FBXL14: variants seen among roughly 807,000 people sequenced by gnomAD.
The protein encoded by FBXL14 is F-box/LRR-repeat protein 14.
Under a neutral mutation model 24.5 loss-of-function variants are expected in FBXL14, and 11 were observed. That is an observed-to-expected ratio of 0.45 (90% CI 0.28 to 0.74). The LOEUF (loss-of-function observed/expected upper bound fraction) is 0.74. FBXL14 is among the 30% of genes least tolerant of loss of function. The probability of loss-of-function intolerance (pLI) is 0.12; values close to 1 mark genes in which losing one functional copy is unlikely to be tolerated. For synonymous variants in FBXL14, 294 were observed against 240.4 expected (o/e 1.22, Z -2.06); for missense variants, 384 against 545.6 (o/e 0.70, Z 2.95).
At chr12:1,582,946 AT>A (rs1475998556) in intron 1 of FBXL14, among the ~76,000 whole-genome samples, 2 of 152,054 alleles carry the variant, frequency 1.3e-5, no homozygotes, top group Non-Finnish European at 2.9e-5. Context: ...CTCAGAAGTT[AT>A]TTTTGTAAGT....
At chr12:1,570,280 A>G (rs1038363083) in intron 1 of FBXL14, among the ~76,000 whole-genome samples, 2 of 152,224 alleles carry the variant, frequency 1.3e-5, no homozygotes, top group Admixed American at 1.3e-4. Context: ...CCGGTGATGG[A>G]CGTGGCCACT....
Position 1,566,766 on chromosome 12 carries a change from C to T in FBXL14, c.1239G>A (p.Arg413=), listed in dbSNP as rs948416290. ...DFSPLFTVRT[R]GSSRR ...CTCTCCCTCACCTTCTGGAGCTTCC[C>T]CGAGTTCTCACAGTGAATAATGGAG... Residue 413 remains arginine (R), a synonymous_variant, in exon 2 of 2, where the codon CGG becomes CGA. Coordinates refer to ENST00000339235, the MANE Select transcript of FBXL14 (RefSeq NM_152441.3). 3.8e-6 allele frequency: 3 copies of T among 780,862 alleles called. No individual in the cohort carries two copies. In the East Asian group the frequency reaches 7.3e-5, roughly 19 times the overall value. The allele number at this position is 780,862 out of a possible 1,614,324, so 48.4% of individuals were successfully genotyped here.
chr12:1,590,746 G>A (rs2094487666), intron 1 of FBXL14, among the ~76,000 whole-genome samples: 1 of 152,144 alleles, frequency 6.6e-6, no homozygotes, highest in Non-Finnish European at 1.5e-5. Context: ...CCTTACAGCC[G>A]GGCCTGGAGG....
intron 1 of FBXL14, among the ~76,000 whole-genome samples, chr12:1,576,359 T>C (rs1388573823): frequency 1.3e-5 from 2 of 152,090 alleles, no homozygotes; most frequent in South Asian, 2.1e-4. Flanking sequence ...TCCATATTTC[T>C]GTACCAGTAA....
In FBXL14 at chr12:1,581,759, G is replaced by A. The variant is rs368283828; in HGVS notation, c.1194+11114C>T. Among the ~76,000 whole-genome samples, 29 of 152,266 alleles carry A rather than the reference G, an allele frequency of 1.9e-4. No homozygotes were observed. The South Asian group carries it at 2.1e-3, about 11-fold the overall frequency. On this transcript the variant is annotated intron_variant, in intron 1 of 1. Transcript: ENST00000339235. ...TCACGCCAGCCCAGTGGCCACATTCGCAAGAGATTTGTCTAGAGTCAAATT... is the reference window on the plus strand; with the variant it reads ...TCACGCCAGCCCAGTGGCCACATTCACAAGAGATTTGTCTAGAGTCAAATT...
In FBXL14 at chr12:1,593,062, G is replaced by C. The variant is rs369241562; in HGVS notation, c.1005C>G (p.Leu335=). ...MVRQMHGLRT[L]NIGQCVRITD... ...TGATGCGCACACACTGTCCAATGTT[G>C]AGCGTGCGCAGCCCGTGCATCTGCC... Residue 335 remains leucine (L), a synonymous_variant, in exon 1 of 2, where the codon CTC becomes CTG. Transcript: ENST00000339235. The surrounding 1 kb of genome is among the most constrained non-coding windows in gnomAD (Gnocchi z 7.4). 5 of 1,612,612 alleles carry C rather than the reference G, an allele frequency of 3.1e-6. No homozygotes were observed. The African/African-American group carries it at 4.0e-5, about 13-fold the overall frequency.
intron 1 of FBXL14, among the ~76,000 whole-genome samples, chr12:1,577,050 T>G (rs544416042): frequency 6.6e-6 from 1 of 152,306 alleles, no homozygotes; most frequent in South Asian, 2.1e-4. Context: ...ACAGGCTTTA[T>G]CAGTCCTGCC....
intron 1 of FBXL14, among the ~76,000 whole-genome samples, chr12:1,581,862 C>CT (rs2094467026): frequency 6.6e-6 from 1 of 152,194 alleles, no homozygotes. Flanking sequence ...TGGTGACTCA[C>CT]GTGTGTAATC....
chr12:1,581,816 G>T (rs1314129471), intron 1 of FBXL14, among the ~76,000 whole-genome samples: 1 of 152,188 alleles, frequency 6.6e-6, no homozygotes, highest in East Asian at 1.9e-4. Context: ...CAGAAAGAGG[G>T]CCTACCTTCT....
chr12:1,589,967 G>A (rs2094485806), intron 1 of FBXL14, among the ~76,000 whole-genome samples: 1 of 152,228 alleles, frequency 6.6e-6, no homozygotes, highest in African/African-American at 2.4e-5. Flanking sequence ...TGTGAATACA[G>A]AGCCTAAGAC....
intron 1 of FBXL14, among the ~76,000 whole-genome samples, chr12:1,584,830 G>C (rs937202852): frequency 2.0e-5 from 3 of 149,478 alleles, no homozygotes; most frequent in Non-Finnish European, 4.4e-5. Flanking sequence ...TCTTGTCGTT[G>C]TTGTTGTTCA....
chr12:1,570,413 G>A (rs10848523), intron 1 of FBXL14, among the ~76,000 whole-genome samples: 71,755 of 151,918 alleles, frequency 0.47, 18,354 homozygotes, highest in African/African-American at 0.66. Flanking sequence ...CCTTCCTACC[G>A]GGGTGGGCAA....
At chr12:1,568,671 C>T (rs2094440159) in intron 1 of FBXL14, among the ~76,000 whole-genome samples, 1 of 151,984 alleles carries the variant, frequency 6.6e-6, no homozygotes, top group African/African-American at 2.4e-5. Context: ...ATAAGAAACT[C>T]ATACTACCTG....
At chr12:1,586,182 G>GTTTTTTTTTTTTTTTTTT (rs79133793) in intron 1 of FBXL14, among the ~76,000 whole-genome samples, 1 of 137,776 alleles carries the variant, frequency 7.3e-6, no homozygotes, top group African/African-American at 2.7e-5. Context: ...AGCATTTGGG[G>GTTTTTTTTTTTTTTTTTT]TTTTTTTTTT....
chr12:1,580,927 G>A (rs972524607), intron 1 of FBXL14, among the ~76,000 whole-genome samples: 1 of 152,128 alleles, frequency 6.6e-6, no homozygotes, highest in Non-Finnish European at 1.5e-5. Flanking sequence ...ACAGGAGTGG[G>A]AACTAACAGG....
intron 1 of FBXL14, among the ~76,000 whole-genome samples, chr12:1,590,499 T>TCAGGTGTGA (rs2094487001): frequency 6.6e-6 from 1 of 152,112 alleles, no homozygotes; most frequent in African/African-American, 2.4e-5. Flanking sequence ...ACCACTCCCC[T>TCAGGTGTGA]GTTGGAGCAC....
At position 1,594,217 on chromosome 12, in the gene FBXL14, G is replaced by A; in HGVS notation, c.-151C>T. On this transcript the variant is annotated 5_prime_UTR_variant, in exon 1 of 2. Transcript: ENST00000339235. ...AACGGCCGGCCCCTCCCCGCCTTCC[G>A]GCTCCGGCCGCCGCCGCCGCTCCTC... The A allele has an allele frequency of 2.9e-6, 1 of 346,270 alleles. No homozygotes were observed. Among genetic ancestry groups the A allele is most frequent in the Non-Finnish European group, 4.2e-6 (1 of 235,968 alleles). The allele number at this position is 346,270 out of a possible 1,614,324, so 21.4% of individuals were successfully genotyped here.
Position 1,594,137 on chromosome 12 carries a change from G to A in FBXL14, c.-71C>T, listed in dbSNP as rs1170666628. On this transcript the variant is annotated 5_prime_UTR_variant, in exon 1 of 2. Coordinates refer to ENST00000339235, the MANE Select transcript of FBXL14 (RefSeq NM_152441.3). ...CCCGCCGCTCCGGCCTCGGGCAGGC[G>A]ACGAGAGCGCTTCTCCCCAGCCGCC... The A allele has an allele frequency of 1.6e-6, 2 of 1,230,508 alleles. No homozygotes were observed. The highest frequency in any genetic ancestry group is 3.2e-5 in the African/African-American group (2 of 61,828). 76.2% of individuals were successfully genotyped at this position (1,230,508 alleles called of 1,614,324 possible). A position where few individuals can be genotyped will look rare whatever the true frequency, so the allele number is the denominator to read the frequency against.
rs377115030 is a variant in FBXL14, at chr12:1,593,705, G to T, written c.362C>A (p.Ala121Asp). The T allele has an allele frequency of 6.2e-7, 1 of 1,614,168 alleles. No homozygotes were observed. The highest frequency in any genetic ancestry group is 8.5e-7 in the Non-Finnish European group (1 of 1,180,026). ...CTGCTTGCAGAGGCTCAGGTTGAGA[G>T]CGCGCAGGGAGCCGATCTCCTGCAC... ...AFVQEIGSLRALNLSLCKQIT... is the reference protein window; with the variant it reads ...AFVQEIGSLRDLNLSLCKQIT... Residue 121 changes from alanine to aspartate, a missense_variant, in exon 1 of 2, where the codon GCT becomes GAT. Coordinates refer to ENST00000339235, the MANE Select transcript of FBXL14 (RefSeq NM_152441.3). This position sits in a 1 kb window ranked among gnomAD's most constrained non-coding sequence, Gnocchi z 7.4.
Sources: allele counts gnomAD v4.1 joint callset (sites outside exome capture counted in the v4.1 genomes callset), GRCh38; gene constraint gnomAD v4.1.1; non-coding constraint Gnocchi (gnomAD v3.1); transcripts MANE v1.5; gene names NCBI Gene and HGNC (gene_info 2026-07-23, HGNC 2026-07-21).